Variants in B4GALNT2 observed in about 807,000 individuals in gnomAD.
B4GALNT2 encodes beta-1,4-N-acetyl-galactosaminyltransferase 2 (SID blood group), also known as N-acetylneuraminylgalactosylglucosyl-glucoside beta-1,4-N- acetylgalactosaminyltransferase 2.
B4GALNT2 carries 42 observed loss-of-function variants against 51.1 expected under a neutral mutation model. That is an observed-to-expected ratio of 0.82 (90% confidence interval 0.64 to 1.06). The LOEUF (loss-of-function observed/expected upper bound fraction) is 1.06. B4GALNT2 is among the 50% of genes least tolerant of loss of function. The pLI is 0.00. For synonymous variants in B4GALNT2, 253 were observed against 251.7 expected (o/e 1.01, Z -0.05); for missense variants, 602 against 633.6 (o/e 0.95, Z 0.54).
chr17:49,156,554 T>C lies in B4GALNT2; in HGVS notation c.461-12T>C. ...ATGAGCAGTTTTCTTTCCTTTTCCC[T>C]GTGTCCTCCAGGCCTCCAGTTTGAA... is the stretch of plus-strand genomic sequence containing the variant. On this transcript the variant is annotated splice_polypyrimidine_tract_variant and intron_variant, in intron 4 of 10. Transcript: ENST00000393354. 1.3e-5 allele frequency: 21 copies of C among 1,613,734 alleles called. No individual in the cohort carries two copies. Among genetic ancestry groups the C allele is most frequent in the Non-Finnish European group, 1.7e-5 (20 of 1,179,854 alleles).
At chr17:49,156,480 C>A in intron 4 of B4GALNT2, 86 bp from the exon 5 acceptor site, 1 of 1,406,654 alleles carries the variant, frequency 7.1e-7, no homozygotes, top group Non-Finnish European at 1.0e-6. Context: ...CAAGGATGTG[C>A]AGGAGTCCAT....
At chr17:49,131,547 G>A (rs998117858), upstream of B4GALNT2, among the ~76,000 whole-genome samples, 1 of 147,854 alleles carries the variant, frequency 6.8e-6, no homozygotes, top group Admixed American at 6.9e-5. Flanking sequence ...CTGTCACCTA[G>A]ACTGGAGTGC....
At chr17:49,151,670 C>T (rs1441444800) in intron 3 of B4GALNT2, among the ~76,000 whole-genome samples, 1 of 151,134 alleles carries the variant, frequency 6.6e-6, no homozygotes, top group African/African-American at 2.4e-5. Context: ...CACTTGAACC[C>T]AGGAGGCAGA....
chr17:49,132,658 C>A, upstream of B4GALNT2: 1 of 1,093,074 alleles, frequency 9.1e-7, no homozygotes, highest in African/African-American at 1.7e-5. Context: ...GAGAGAAGGG[C>A]GGGGGCCGTC....
At position 49,168,955 on chromosome 17, in the gene B4GALNT2, G is replaced by A. The variant is rs981099679; in HGVS notation, c.1315+55G>A. 8.4e-6 allele frequency: 13 copies of A among 1,545,810 alleles called. No homozygotes were observed. In the African/African-American group the frequency reaches 1.8e-4, roughly 21 times the overall value. ...GCTGGGCTGGGAATTAGCTGCAGAA[G>A]TTTGTTCTTTCCAAGGGCTGTACCC... On this transcript the variant is annotated intron_variant, in intron 10 of 10. Coordinates refer to ENST00000393354, the MANE Select transcript of B4GALNT2 (RefSeq NM_001159387.2).
At chr17:49,153,376 C>G (rs1027780802) in intron 4 of B4GALNT2, among the ~76,000 whole-genome samples, 3 of 150,352 alleles carry the variant, frequency 2.0e-5, no homozygotes, top group African/African-American at 7.4e-5. Context: ...GATTGTGCCA[C>G]TGCACTTCAG....
At chr17:49,121,433 A>AGAATCTGTTGGCT in the B4GALNT2 span, among the ~76,000 whole-genome samples, 1 of 152,224 alleles carries the variant, frequency 6.6e-6, no homozygotes, top group African/African-American at 2.4e-5. Flanking sequence ...TTATGGCACT[A>AGAATCTGTTGGCT]GAATCTGTTG....
At chr17:49,133,399 G>A (rs1240920949) in intron 1 of B4GALNT2, among the ~76,000 whole-genome samples, 2 of 152,196 alleles carry the variant, frequency 1.3e-5, no homozygotes, top group Admixed American at 6.5e-5. Context: ...CCTCTACGGA[G>A]TGATATAATA....
At position 49,159,109 on chromosome 17, in the gene B4GALNT2, G is replaced by T. The variant is rs1401232848; in HGVS notation, c.571G>T (p.Gly191Cys). The T allele has an allele frequency of 1.9e-6, 3 of 1,614,254 alleles. No homozygotes were observed. Among genetic ancestry groups the T allele is most frequent in the Non-Finnish European group, 2.5e-6 (3 of 1,180,048 alleles). The change falls in exon 6 of 11, where the codon GGC becomes TGC. Residue 191 changes from glycine to cysteine, a missense_variant. Gly to Cys is a radical substitution (Grantham distance 159, BLOSUM62 -3). Coordinates refer to ENST00000393354, the MANE Select transcript of B4GALNT2 (RefSeq NM_001159387.2). ...DVPDSVVQGR[G>C]QKQLIISTSD... ...CCCAGACAGTGTGGTGCAGGGCAGA[G>T]GCCAGAAGCAGCTGATCATTTCTAC...
chr17:49,154,675 TA>T (rs2144314782), intron 4 of B4GALNT2, among the ~76,000 whole-genome samples: 1 of 151,960 alleles, frequency 6.6e-6, no homozygotes, highest in East Asian at 1.9e-4. Flanking sequence ...GCATGACAGA[TA>T]CCTGAATTTC....
chr17:49,158,007 G>C (rs2042826507), intron 5 of B4GALNT2, among the ~76,000 whole-genome samples: 1 of 152,200 alleles, frequency 6.6e-6, no homozygotes. Flanking sequence ...CAAGAGAAGA[G>C]AGTGGCTGTG....
At chr17:49,162,665 T>G (rs1002185012) in intron 7 of B4GALNT2, among the ~76,000 whole-genome samples, 1 of 152,030 alleles carries the variant, frequency 6.6e-6, no homozygotes, top group African/African-American at 2.4e-5. Flanking sequence ...TCCCAGCACT[T>G]TGGGAGGCCG....
chr17:49,159,146 A>T lies in B4GALNT2; in HGVS notation c.608A>T (p.Lys203Met). 6.2e-7 allele frequency: 1 copy of T among 1,614,204 alleles called. No homozygotes were observed. Among genetic ancestry groups the T allele is most frequent in the Non-Finnish European group, 8.5e-7 (1 of 1,180,036 alleles). Residue 203 changes from lysine (K) to methionine (M), a missense_variant, in exon 6 of 11, where the codon AAG becomes ATG. Physicochemically the swap from Lys to Met is moderately conservative, Grantham distance 95. Transcript: ENST00000393354. ...CTGATCATTTCTACCAGTGACCGGA[A>T]GCTGTTGAAGTTCATTCTTCAGCAC... Reference protein sequence around the residue: ...KQLIISTSDRKLLKFILQHVT... With the variant: ...KQLIISTSDRMLLKFILQHVT...
upstream of B4GALNT2, among the ~76,000 whole-genome samples, chr17:49,132,172 A>C (rs539841654): frequency 6.6e-6 from 1 of 152,246 alleles, no homozygotes; most frequent in South Asian, 2.1e-4. Flanking sequence ...ATTAGAATAC[A>C]ATATAATCAT....
At chr17:49,152,100 G>A (rs771530422) in intron 3 of B4GALNT2, among the ~76,000 whole-genome samples, 9 of 152,130 alleles carry the variant, frequency 5.9e-5, no homozygotes, top group Non-Finnish European at 1.3e-4. Flanking sequence ...TTGTTAGCCA[G>A]GCATGGTGGC....
intron 4 of B4GALNT2, 24 bp downstream of exon 4, chr17:49,152,930 G>A (rs1266855743): frequency 6.4e-7 from 1 of 1,570,406 alleles, no homozygotes; most frequent in Admixed American, 1.7e-5. Context: ...CATACCAAGA[G>A]ACCCCAGACA....
intron 1 of B4GALNT2, among the ~76,000 whole-genome samples, chr17:49,140,182 C>G (rs997147995): frequency 6.6e-6 from 1 of 151,730 alleles, no homozygotes; most frequent in Non-Finnish European, 1.5e-5. Context: ...CTCACTGCGA[C>G]CTCCGCCTCC....
chr17:49,151,068 G>A (rs1208903668), intron 3 of B4GALNT2, among the ~76,000 whole-genome samples: 3 of 151,462 alleles, frequency 2.0e-5, no homozygotes, highest in Non-Finnish European at 2.9e-5. Context: ...CCATTGTACC[G>A]TAGTTCCTCA....
rs112079303 is a variant in B4GALNT2, at chr17:49,166,037, G to A, written c.955-77G>A. 17 of 1,497,666 alleles carry A rather than the reference G, an allele frequency of 1.1e-5. No individual in the cohort carries two copies. The African/African-American group carries it at 1.5e-4, about 13-fold the overall frequency. The allele number at this position is 1,497,666 out of a possible 1,614,324, so 92.8% of individuals were successfully genotyped here. On this transcript the variant is annotated intron_variant, in intron 8 of 10. Transcript: ENST00000393354. ...CTGGAGTGCATGCAGCCTGGCTGTT[G>A]GGAATTTAGAAAGCTCCCCAGGTGA...
Sources: gnomAD v4.1 joint callset for allele counts (sites outside exome capture counted in the v4.1 genomes callset) on GRCh38, gnomAD v4.1.1 for gene constraint, MANE v1.5 for transcripts, NCBI Gene and HGNC (gene_info 2026-07-23, HGNC 2026-07-21) for gene names.